ESR1: variants seen among roughly 807,000 people sequenced by gnomAD.
ESR1 encodes estrogen receptor 1.
ESR1 carries 12 observed loss-of-function variants against 52.7 expected under a neutral mutation model. That is an observed-to-expected ratio of 0.23 (90% CI 0.15 to 0.37). The LOEUF is 0.37. Ranked by LOEUF, ESR1 falls within the 10% of genes least tolerant of loss-of-function variation. The probability of loss-of-function intolerance (pLI) is 1.00; values close to 1 mark genes in which losing one functional copy is unlikely to be tolerated. For synonymous variants in ESR1, 305 were observed against 316.8 expected (o/e 0.96, Z 0.39); for missense variants, 584 against 779.7 (o/e 0.75, Z 2.99).
At chr6:152,017,114 T>C (rs1482423038) in intron 5 of ESR1, among the ~76,000 whole-genome samples, 1 of 152,182 alleles carries the variant, frequency 6.6e-6, no homozygotes, top group East Asian at 1.9e-4. Flanking sequence ...ATGTTAGTAT[T>C]GGCAAATGGG....
At chr6:151,761,172 T>TA (rs560416730) in intron 2 of ESR1, among the ~76,000 whole-genome samples, 2,854 of 146,468 alleles carry the variant, frequency 0.019, 70 homozygotes, top group African/African-American at 0.062. Flanking sequence ...GTCAAAGCAT[T>TA]AAAAAAAAAA....
chr6:151,971,414 G>C (rs2128635309), intron 4 of ESR1, among the ~76,000 whole-genome samples: 1 of 152,090 alleles, frequency 6.6e-6, no homozygotes, highest in South Asian at 2.1e-4. Context: ...CCATAGCTTA[G>C]CTCCCACTTA....
At chr6:151,974,232 A>T (rs2039209668) in intron 4 of ESR1, among the ~76,000 whole-genome samples, 1 of 152,240 alleles carries the variant, frequency 6.6e-6, no homozygotes, top group South Asian at 2.1e-4. Context: ...CAATGATCTA[A>T]TTTAATCATT....
intron 2 of ESR1, among the ~76,000 whole-genome samples, chr6:151,726,308 A>G (rs979715064): frequency 1.3e-5 from 2 of 151,820 alleles, no homozygotes; most frequent in African/African-American, 2.4e-5. Flanking sequence ...TAAGTATTTG[A>G]CACTTTTATG....
At chr6:151,722,234 T>A (rs541397222) in intron 2 of ESR1, among the ~76,000 whole-genome samples, 1 of 152,328 alleles carries the variant, frequency 6.6e-6, no homozygotes, top group Non-Finnish European at 1.5e-5. Flanking sequence ...TCAGCACTGA[T>A]TGTGTGCACC....
Position 151,979,238 on chromosome 6 carries a change from C to T in ESR1, c.1097-32418C>T, listed in dbSNP as rs193032522. Among the ~76,000 whole-genome samples, 90 of 152,024 alleles carry T rather than the reference C, an allele frequency of 5.9e-4. 1 individual carries two copies. The South Asian group carries it at 0.014, about 23-fold the overall frequency. Reference sequence around the variant, plus strand: ...GAGGCACTAGGGGTTAGGGTTTCAACGTATAAATTTTGGGGGGACACATTC... The same window carrying T: ...GAGGCACTAGGGGTTAGGGTTTCAATGTATAAATTTTGGGGGGACACATTC... On this transcript the variant is annotated intron_variant, in intron 4 of 7. Transcript: ENST00000206249.
At chr6:151,998,941 A>T (rs1415866682) in intron 4 of ESR1, among the ~76,000 whole-genome samples, 1 of 152,116 alleles carries the variant, frequency 6.6e-6, no homozygotes, top group African/African-American at 2.4e-5. Flanking sequence ...GAACCCACAG[A>T]TGTTGTACAA....
At chr6:152,107,617 C>A (rs959742654), downstream of ESR1, among the ~76,000 whole-genome samples, 2 of 152,118 alleles carry the variant, frequency 1.3e-5, no homozygotes, top group African/African-American at 4.8e-5. Flanking sequence ...TTTCTTTTGA[C>A]CTCTGCTATT....
intron 3 of ESR1, among the ~76,000 whole-genome samples, chr6:151,943,096 G>A (rs2035271479): frequency 6.6e-6 from 1 of 152,118 alleles, no homozygotes; most frequent in Middle Eastern, 3.4e-3. Flanking sequence ...AACCTTTGTG[G>A]GGGGCCGGGC....
chr6:152,046,349 T>A (rs931554216), intron 5 of ESR1, among the ~76,000 whole-genome samples: 1 of 152,244 alleles, frequency 6.6e-6, no homozygotes, highest in African/African-American at 2.4e-5. Flanking sequence ...TGTTACTAGT[T>A]ACATAATGAA....
At chr6:151,987,251 CT>C (rs1562635683) in intron 4 of ESR1, among the ~76,000 whole-genome samples, 1 of 152,066 alleles carries the variant, frequency 6.6e-6, no homozygotes, top group East Asian at 1.9e-4. Context: ...TCACCAAAGT[CT>C]TTTTTAAAAT....
intron 3 of ESR1, among the ~76,000 whole-genome samples, chr6:151,939,917 T>C (rs972998624): frequency 6.6e-5 from 10 of 152,014 alleles, no homozygotes; most frequent in Non-Finnish European, 1.3e-4. Context: ...CAAAAAACAA[T>C]AATATTTTTG....
chr6:151,816,703 A>G (rs1779704561), intron 1 of ESR1, among the ~76,000 whole-genome samples: 1 of 152,172 alleles, frequency 6.6e-6, no homozygotes, highest in Non-Finnish European at 1.5e-5. Context: ...TGCTTATTAC[A>G]TGCCAGGTAC....
chr6:151,681,793 G>A (rs113628826), intron 1 of ESR1, among the ~76,000 whole-genome samples: 7,280 of 152,152 alleles, frequency 0.048, 149 homozygotes, highest in South Asian at 0.057. Context: ...GTCCAGCTTG[G>A]GGTGGGGGAG....
chr6:152,006,550 T>A lies in ESR1; in HGVS notation c.1097-5106T>A, dbSNP rs867774530. Among the ~76,000 whole-genome samples, 2 of 152,218 alleles carry A rather than the reference T, an allele frequency of 1.3e-5. 1 individual carries two copies. The highest frequency in any genetic ancestry group is 6.8e-3 in the Middle Eastern group (2 of 294). On this transcript the variant is annotated intron_variant, in intron 4 of 7. Coordinates refer to ENST00000206249, the MANE Select transcript of ESR1 (RefSeq NM_000125.4). ...GGAGTCTAGTTCTTCTGATACTATA[T>A]ATTCTATAAGCTTTCTCCCAGAAAT...
intron 2 of ESR1, among the ~76,000 whole-genome samples, chr6:151,874,653 A>C (rs1489716389): frequency 6.6e-6 from 1 of 152,236 alleles, no homozygotes; most frequent in African/African-American, 2.4e-5. Context: ...AGCTTCTCAT[A>C]AAATCAGTCA....
chr6:151,789,327 T>C (rs771763473), intron 2 of ESR1, among the ~76,000 whole-genome samples: 1 of 152,238 alleles, frequency 6.6e-6, no homozygotes, highest in Non-Finnish European at 1.5e-5. Context: ...AAACCTCTTT[T>C]TACTTTCTGA....
chr6:151,992,341 G>T (rs1210323399), intron 4 of ESR1, among the ~76,000 whole-genome samples: 1 of 152,032 alleles, frequency 6.6e-6, no homozygotes, highest in Non-Finnish European at 1.5e-5. Context: ...CTCAGCCTCA[G>T]GAAACCTCCC....
upstream of ESR1, among the ~76,000 whole-genome samples, chr6:151,806,550 A>G (rs1359750635): frequency 1.4e-5 from 2 of 143,550 alleles, no homozygotes; most frequent in Admixed American, 6.9e-5. Context: ...ATATATATAT[A>G]TATATATACA....
Sources: allele counts gnomAD v4.1 joint callset (sites outside exome capture counted in the v4.1 genomes callset), GRCh38; gene constraint gnomAD v4.1.1; transcripts MANE v1.5; gene names NCBI Gene and HGNC (gene_info 2026-07-23, HGNC 2026-07-21).